TBX5: variants seen among roughly 807,000 people sequenced by gnomAD.
The protein encoded by TBX5 is T-box transcription factor TBX5.
In TBX5, 8 loss-of-function variants were observed where a neutral mutation model predicts 51.1. The ratio of observed to expected loss-of-function variants is 0.16; its 90% CI spans 0.09 to 0.28. The LOEUF is 0.28. Among genes scored for constraint, TBX5 ranks in the 10% least tolerant of loss-of-function variants. TBX5 has a pLI of 1.00. For synonymous variants in TBX5, 302 were observed against 266.4 expected, an observed-to-expected ratio of 1.13 and a Z score of -1.30; for missense variants, 589 against 671.7, an observed-to-expected ratio of 0.88 and a Z score of 1.36.
intron 1 of TBX5, 21 bp from the exon 2 acceptor site, chr12:114,403,957 G>A: frequency 6.3e-7 from 1 of 1,591,952 alleles, no homozygotes; most frequent in South Asian, 1.1e-5. Context: ...GAAGCAGGGG[G>A]AGATGGGGGT....
Position 114,403,736 on chromosome 12 carries a change from C to A in TBX5, c.147+16G>T. On this transcript the variant is annotated intron_variant, in intron 2 of 8. Coordinates refer to ENST00000405440, the MANE Select transcript of TBX5 (RefSeq NM_181486.4). ...TTGATCTCTGCAAAGGGACCCGAAG[C>A]GCGAGGTCTCCTTACCTGCTGGGTG... 1 of 1,612,112 alleles carries A rather than the reference C, an allele frequency of 6.2e-7. No homozygotes were observed. The highest frequency in any genetic ancestry group is 8.5e-7 in the Non-Finnish European group (1 of 1,179,798).
chr12:114,406,695 A>AC (rs1001055900), upstream of TBX5, among the ~76,000 whole-genome samples: 2 of 151,728 alleles, frequency 1.3e-5, no homozygotes, highest in East Asian at 2.0e-4. Context: ...GCGGGCCCTC[A>AC]CCCCCCACCC....
At chr12:114,373,866 C>G (rs1304939166) in intron 7 of TBX5, among the ~76,000 whole-genome samples, 2 of 152,226 alleles carry the variant, frequency 1.3e-5, no homozygotes. Flanking sequence ...TTTAAACCAG[C>G]TTAACTATGA....
At chr12:114,358,772 G>GTTTTT (rs1270630074) in intron 8 of TBX5, among the ~76,000 whole-genome samples, 3 of 127,992 alleles carry the variant, frequency 2.3e-5, no homozygotes, top group South Asian at 2.8e-4. Context: ...ACTGTGCGGG[G>GTTTTT]TTTTTTTTGT....
intron 7 of TBX5, among the ~76,000 whole-genome samples, chr12:114,366,903 A>G (rs1472795108): frequency 1.3e-5 from 2 of 152,122 alleles, no homozygotes; most frequent in Admixed American, 6.6e-5. Flanking sequence ...ATCTGGATAG[A>G]TTGCTGCTAG....
rs1407959111 is a variant in TBX5, at chr12:114,366,246, A to T, written c.901T>A (p.Ser301Thr). ...TTGGGTGGAGGCAGGAGGTCCTGGG[A>T]GGGGCCGGAAACACCATTCTCACAC... ...YQCENGVSGPSQDLLPPPNPY... is the reference protein window; with the variant it reads ...YQCENGVSGPTQDLLPPPNPY... Residue 301 changes from serine to threonine, a missense_variant, in exon 8 of 9, where the codon TCC becomes ACC. Ser to Thr is a moderately conservative substitution (Grantham distance 58). Around this residue, in one of 7 missense-constraint regions of TBX5, gnomAD observed 348 missense variants for 360.4 expected, o/e 0.97. Transcript: ENST00000405440. The T allele has an allele frequency of 2.5e-6, 4 of 1,613,892 alleles. No individual in the cohort carries two copies. In the African/African-American group the frequency reaches 4.0e-5, roughly 16 times the overall value.
chr12:114,399,264 G>C (rs1165688896), intron 4 of TBX5, among the ~76,000 whole-genome samples: 1 of 152,216 alleles, frequency 6.6e-6, no homozygotes, highest in Non-Finnish European at 1.5e-5. Flanking sequence ...ACCTGTGGGT[G>C]CAGCAATAGA....
rs116780912 is a variant in TBX5 at position 114,364,510 on chromosome 12, T to G, written c.982+1655A>C. On this transcript the variant is annotated intron_variant, in intron 8 of 8. Coordinates refer to ENST00000405440, the MANE Select transcript of TBX5 (RefSeq NM_181486.4). Reference sequence around the variant, plus strand: ...AGGTTAAGCAACTTGTCACTACTTATGAAAATTTTTAAATTGCAAAGGTGA... The same window carrying G: ...AGGTTAAGCAACTTGTCACTACTTAGGAAAATTTTTAAATTGCAAAGGTGA... Among the ~76,000 whole-genome samples the G allele has an allele frequency of 5.7e-3, 864 of 152,356 alleles. 8 individuals carry two copies. Among genetic ancestry groups the G allele is most frequent in the African/African-American group, 0.02 (821 of 41,584 alleles).
chr12:114,403,845 G>T lies in TBX5; in HGVS notation c.54C>A (p.Asp18Glu), dbSNP rs1479545982. Residue 18 changes from aspartate (D) to glutamate (E), a missense_variant, in exon 2 of 9, where the codon GAC becomes GAA. By Grantham distance (45) the Asp-to-Glu change is conservative. Transcript: ENST00000405440. ...TCGAATCGCAGGGCAGGTCTTTTGC[G>T]TCAGGCTCCAGAGGCGTGTGCGCCA... ...FGLAHTPLEPDAKDLPCDSKP... is the reference protein window; with the variant it reads ...FGLAHTPLEPEAKDLPCDSKP... The T allele has an allele frequency of 5.6e-6, 9 of 1,613,882 alleles. No individual in the cohort carries two copies. The highest frequency in any genetic ancestry group is 2.7e-5 in the African/African-American group (2 of 74,922).
rs1868798142 is a variant in TBX5, at chr12:114,355,075, T to A, written c.*457A>T. ...CCCCCAAATAAGGGACTGGGTCCCA[T>A]TAAGAAAATTGAAAGAAAAAAATAT... On this transcript the variant is annotated 3_prime_UTR_variant, in exon 9 of 9. Coordinates refer to ENST00000405440, the MANE Select transcript of TBX5 (RefSeq NM_181486.4). The A allele has an allele frequency of 5.5e-6, 1 of 182,450 alleles. No homozygotes were observed. The highest frequency in any genetic ancestry group is 5.5e-5 in the Admixed American group (1 of 18,118). The allele number at this position is 182,450 out of a possible 1,614,324, so 11.3% of individuals were successfully genotyped here. A position where few individuals can be genotyped will look rare whatever the true frequency, so the allele number is the denominator to read the frequency against.
chr12:114,367,252 G>GGAAAGAAAGAAAAGAGAAAGAAA (rs56117130), intron 7 of TBX5, among the ~76,000 whole-genome samples: 2 of 141,240 alleles, frequency 1.4e-5, no homozygotes, highest in African/African-American at 5.1e-5. Context: ...AAACAAAAAA[G>GGAAAGAAAGAAAAGAGAAAGAAA]GAAAGAAAGA....
chr12:114,394,152 A>G (rs946571023), intron 6 of TBX5, among the ~76,000 whole-genome samples: 4 of 152,152 alleles, frequency 2.6e-5, no homozygotes, highest in African/African-American at 9.7e-5. Flanking sequence ...ACAAAAAACA[A>G]AAGTTAAAAA....
intron 4 of TBX5, among the ~76,000 whole-genome samples, chr12:114,399,179 A>C (rs1343367816): frequency 6.6e-6 from 1 of 152,230 alleles, no homozygotes; most frequent in Admixed American, 6.5e-5. Flanking sequence ...ACTCATAAAA[A>C]ATAACTGTAA....
At chr12:114,396,078 G>A (rs1172194397) in intron 5 of TBX5, among the ~76,000 whole-genome samples, 6 of 152,120 alleles carry the variant, frequency 3.9e-5, no homozygotes, top group Non-Finnish European at 7.4e-5. Context: ...ATGACCCTGG[G>A]GCAAGATTCT....
Position 114,394,698 on chromosome 12 carries a change from G to A in TBX5, c.663+43C>T, listed in dbSNP as rs186386381. On this transcript the variant is annotated intron_variant, in intron 6 of 8. Coordinates refer to ENST00000405440, the MANE Select transcript of TBX5 (RefSeq NM_181486.4). The stretch of plus-strand genomic sequence containing the variant: ...ACCTTGCAGATTCATGCAAAAGAAA[G>A]AGCAGACGGCCCCAGGCACTGGTTC... 29 of 1,613,370 alleles carry A rather than the reference G, an allele frequency of 1.8e-5. No homozygotes were observed. The African/African-American group carries it at 2.1e-4, about 12-fold the overall frequency.
chr12:114,380,181 G>C (rs1870427587), intron 7 of TBX5, among the ~76,000 whole-genome samples: 1 of 152,092 alleles, frequency 6.6e-6, no homozygotes, highest in Admixed American at 6.6e-5. Flanking sequence ...CCCAGTCCCA[G>C]CTCCAGCCCC....
intron 7 of TBX5, among the ~76,000 whole-genome samples, chr12:114,374,552 C>G (rs898011986): frequency 2.0e-5 from 3 of 152,040 alleles, no homozygotes; most frequent in African/African-American, 7.2e-5. Flanking sequence ...CAAAACTAAC[C>G]TATAGTGAAA....
Position 114,401,843 on chromosome 12 carries a change from G to A in TBX5, c.225C>T (p.Ile75=), listed in dbSNP as rs1460343229. ...LKFHEVGTEM[I]ITKAGRRMFP... ...CATCTCACCTTCCAGCCTTGGTTAT[G>A]ATCATTTCCGTGCCCACTTCGTGGA... Residue 75 remains isoleucine, a synonymous_variant, in exon 3 of 9, where the codon ATC becomes ATT. Transcript: ENST00000405440. 5 of 1,613,930 alleles carry A rather than the reference G, an allele frequency of 3.1e-6. No homozygotes were observed. Among genetic ancestry groups the A allele is most frequent in the Non-Finnish European group, 4.2e-6 (5 of 1,180,000 alleles).
rs760177359 is a variant in TBX5, at chr12:114,366,306, G to A, written c.841C>T (p.Leu281Phe). 6.2e-7 allele frequency: 1 copy of A among 1,614,106 alleles called. No individual in the cohort carries two copies. The highest frequency in any genetic ancestry group is 1.1e-5 in the South Asian group (1 of 91,076). ...GACCCCAAATTGGATGAGGTGGAGA[G>A]AGCTCGAGACTCGCTGCTGAAAGGA... The part of the protein sequence containing the change: ...HSPFSSESRA[L>F]STSSNLGSQY... Residue 281 changes from leucine (L) to phenylalanine (F), a missense_variant, in exon 8 of 9, where the codon CTC (leucine) becomes TTC (phenylalanine). This residue lies in a region of TBX5 where 348 missense variants were observed against 360.4 expected (regional missense o/e 0.97). Coordinates refer to ENST00000405440, the MANE Select transcript of TBX5 (RefSeq NM_181486.4).
Sources: allele counts gnomAD v4.1 joint callset (sites outside exome capture counted in the v4.1 genomes callset), GRCh38; gene constraint gnomAD v4.1.1; regional missense constraint gnomAD v4.1.1; transcripts MANE v1.5; gene names NCBI Gene and HGNC (gene_info 2026-07-23, HGNC 2026-07-21).